PIP4K2A: variants seen among roughly 807,000 people sequenced by gnomAD.
PIP4K2A encodes the protein phosphatidylinositol 5-phosphate 4-kinase type-2 alpha.
In PIP4K2A, 14 loss-of-function variants were observed where a neutral mutation model predicts 42.9. The observed-to-expected ratio is 0.33, with a 90% CI of 0.22 to 0.51. The LOEUF is 0.51. PIP4K2A is among the 20% of genes least tolerant of loss of function. The probability of loss-of-function intolerance (pLI) is 0.97; values close to 1 mark genes in which losing one functional copy is unlikely to be tolerated. For missense variants in PIP4K2A, 434 were observed against 519.8 expected (o/e 0.83, Z 1.61); for synonymous variants, 192 against 192.2 (o/e 1.00, Z 0.01).
At chr10:22,686,699 A>G (rs11597784) in intron 1 of PIP4K2A, among the ~76,000 whole-genome samples, 66,679 of 151,954 alleles carry the variant, frequency 0.44, 16,661 homozygotes, top group African/African-American at 0.68. Flanking sequence ...CAAACTCCTG[A>G]CTTCTAGCAA....
At chr10:22,594,895 T>C (rs1195896134) in intron 3 of PIP4K2A, among the ~76,000 whole-genome samples, 3 of 152,214 alleles carry the variant, frequency 2.0e-5, no homozygotes, top group Middle Eastern at 3.2e-3. Context: ...AAAATTCGAA[T>C]CTTGATTCTG....
intron 1 of PIP4K2A, among the ~76,000 whole-genome samples, chr10:22,616,098 A>C (rs548462859): frequency 5.9e-5 from 9 of 152,350 alleles, no homozygotes; most frequent in Admixed American, 5.2e-4. Flanking sequence ...TGTTGTCTGC[A>C]TCAATAGAAA....
chr10:22,601,165 A>AAAAAAAAAAAAAAC (rs1837765619), intron 3 of PIP4K2A, among the ~76,000 whole-genome samples: 1 of 42,380 alleles, frequency 2.4e-5, no homozygotes, highest in Non-Finnish European at 6.6e-5. Flanking sequence ...AAAAAAAAAC[A>AAAAAAAAAAAAAAC]AACCAGGAAC....
At chr10:22,559,273 T>A (rs1836626469) in intron 6 of PIP4K2A, among the ~76,000 whole-genome samples, 1 of 152,222 alleles carries the variant, frequency 6.6e-6, no homozygotes, top group South Asian at 2.1e-4. Flanking sequence ...TTTGGAAGTC[T>A]TCTCTCCACC....
At position 22,664,046 on chromosome 10, in the gene PIP4K2A, TAC is replaced by T. The variant is rs1379690221; in HGVS notation, c.144+50135_144+50136del. 7.8e-3 allele frequency among the ~76,000 whole-genome samples: 710 copies of T among 91,238 alleles called. 54 individuals are homozygous for T. Among genetic ancestry groups the T allele is most frequent in the African/African-American group, 0.014 (190 of 13,978 alleles). 59.9% of individuals were successfully genotyped at this position (91,238 alleles called of 152,430 possible). A position where few individuals can be genotyped will look rare whatever the true frequency, so the allele number is the denominator to read the frequency against. On this transcript the variant is annotated intron_variant, in intron 1 of 9. Transcript: ENST00000376573. The stretch of plus-strand genomic sequence containing the variant: ...CCATATATATACATATATATATATA[TAC>T]ATATGTATATATACATATATATATA...
At chr10:22,697,855 G>T (rs1840001900) in intron 1 of PIP4K2A, among the ~76,000 whole-genome samples, 1 of 152,176 alleles carries the variant, frequency 6.6e-6, no homozygotes, top group African/African-American at 2.4e-5. Flanking sequence ...TCGTCCATAG[G>T]TCGAGTCTAA....
intron 4 of PIP4K2A, among the ~76,000 whole-genome samples, chr10:22,587,786 T>C (rs759812732): frequency 2.6e-5 from 4 of 152,228 alleles, no homozygotes; most frequent in Non-Finnish European, 5.9e-5. Flanking sequence ...GTGTGCATTA[T>C]AGCCTTTCTC....
At chr10:22,648,162 TAC>T (rs1176638140) in intron 1 of PIP4K2A, among the ~76,000 whole-genome samples, 11 of 152,220 alleles carry the variant, frequency 7.2e-5, no homozygotes, top group Non-Finnish European at 1.3e-4. Flanking sequence ...TGTTTAAATA[TAC>T]AGTTTTCTCT....
chr10:22,635,706 G>A (rs557420199), intron 1 of PIP4K2A, among the ~76,000 whole-genome samples: 1 of 152,306 alleles, frequency 6.6e-6, no homozygotes, highest in South Asian at 2.1e-4. Flanking sequence ...GAGCCGGGGG[G>A]TTCTATGACG....
chr10:22,544,959 G>A (rs1007785498), intron 7 of PIP4K2A, among the ~76,000 whole-genome samples: 9 of 152,202 alleles, frequency 5.9e-5, no homozygotes, highest in South Asian at 2.1e-4. Context: ...CCAGTGACAC[G>A]GGGCCTCGCT....
intron 4 of PIP4K2A, among the ~76,000 whole-genome samples, chr10:22,580,520 G>A (rs1329408996): frequency 1.3e-5 from 2 of 151,706 alleles, no homozygotes; most frequent in African/African-American, 2.4e-5. Flanking sequence ...GTGAGAAGAA[G>A]AGCATGTACT....
At position 22,536,358 on chromosome 10, in the gene PIP4K2A, AG is replaced by A. The variant is rs3215826; in HGVS notation, c.*842del. The A allele has an allele frequency of 0.65, 236,359 of 365,034 alleles. 76,972 individuals are homozygous for A. The highest frequency in any genetic ancestry group is 0.76 in the Admixed American group (16,238 of 21,414). 22.6% of individuals were successfully genotyped at this position (365,034 alleles called of 1,614,324 possible). The stretch of plus-strand genomic sequence containing the variant: ...ATTGCAACGTAAGGGTGAACAATGA[AG>A]GCTCCAGGCAAGAAAAGAGAAGTAA... On this transcript the variant is annotated 3_prime_UTR_variant, in exon 10 of 10. Coordinates refer to ENST00000376573, the MANE Select transcript of PIP4K2A (RefSeq NM_005028.5).
At position 22,539,886 on chromosome 10, in the gene PIP4K2A, G is replaced by GGGGGGAGAGA. The variant is rs1390963717; in HGVS notation, c.1140+84_1140+85insTCTCTCCCCC. On this transcript the variant is annotated intron_variant, in intron 9 of 9. Transcript: ENST00000376573. ...AGTTACAGGTCACACAGAGGAGCCA[G>GGGGGGAGAGA]GAGAGAGAGAGAGAGAGAGAGAGAG... is the stretch of plus-strand genomic sequence containing the variant. The GGGGGGAGAGA allele has an allele frequency of 4.3e-6, 3 of 699,526 alleles. No individual in the cohort carries two copies. In the African/African-American group the frequency reaches 8.3e-5, roughly 19 times the overall value. 43.3% of individuals were successfully genotyped at this position (699,526 alleles called of 1,614,324 possible).
At position 22,619,667 on chromosome 10, in the gene PIP4K2A, C is replaced by G. The variant is rs141636514; in HGVS notation, c.145-9950G>C. On this transcript the variant is annotated intron_variant, in intron 1 of 9. Coordinates refer to ENST00000376573, the MANE Select transcript of PIP4K2A (RefSeq NM_005028.5). ...AGCCAGGCTGGTCTCGAACTCCTGACCTCAGGTGATCCACCCGCGTTGGCC... is the reference window on the plus strand; with the variant it reads ...AGCCAGGCTGGTCTCGAACTCCTGAGCTCAGGTGATCCACCCGCGTTGGCC... Among the ~76,000 whole-genome samples the G allele has an allele frequency of 2.5e-3, 387 of 152,180 alleles. 2 individuals are homozygous for G. The highest frequency in any genetic ancestry group is 9.0e-3 in the African/African-American group (372 of 41,508).
intron 3 of PIP4K2A, among the ~76,000 whole-genome samples, chr10:22,604,009 G>GCA (rs10571071): frequency 0.018 from 2,673 of 149,644 alleles, 27 homozygotes; most frequent in African/African-American, 0.022. Flanking sequence ...ACGCGCGCAC[G>GCA]CACACACACA....
chr10:22,605,656 A>G (rs1837890547), intron 3 of PIP4K2A, among the ~76,000 whole-genome samples: 1 of 152,206 alleles, frequency 6.6e-6, no homozygotes, highest in Admixed American at 6.5e-5. Context: ...ATCTAACAAG[A>G]TAAGATAGAT....
chr10:22,570,892 T>C (rs1836969369), intron 5 of PIP4K2A, among the ~76,000 whole-genome samples: 1 of 152,018 alleles, frequency 6.6e-6, no homozygotes, highest in Non-Finnish European at 1.5e-5. Context: ...CCCAGCGTCA[T>C]TTCAGAAACC....
At position 22,633,842 on chromosome 10, in the gene PIP4K2A, G is replaced by C. The variant is rs114698464; in HGVS notation, c.145-24125C>G. 2.5e-3 allele frequency among the ~76,000 whole-genome samples: 375 copies of C among 152,290 alleles called. 1 individual carries two copies. The highest frequency in any genetic ancestry group is 8.7e-3 in the African/African-American group (361 of 41,554). ...TAAGCAAGCGGGAGGCCAAGCAAGCGAATTCACAGGTAGAAAAGTGAGTGT... is the reference window on the plus strand; with the variant it reads ...TAAGCAAGCGGGAGGCCAAGCAAGCCAATTCACAGGTAGAAAAGTGAGTGT... On this transcript the variant is annotated intron_variant, in intron 1 of 9. Transcript: ENST00000376573.
At chr10:22,703,831 G>A (rs1833760242) in intron 1 of PIP4K2A, among the ~76,000 whole-genome samples, 2 of 152,112 alleles carry the variant, frequency 1.3e-5, no homozygotes, top group Non-Finnish European at 2.9e-5. Context: ...GTGGATTCGG[G>A]ACTCAAAAAT....
Sources: allele counts gnomAD v4.1 joint callset (sites outside exome capture counted in the v4.1 genomes callset), GRCh38; gene constraint gnomAD v4.1.1; transcripts MANE v1.5; gene names NCBI Gene and HGNC (gene_info 2026-07-23, HGNC 2026-07-21).